Variants in ACADSB observed in about 807,000 individuals in gnomAD.
ACADSB encodes the protein acyl-CoA dehydrogenase short/branched chain, also known as short/branched chain specific acyl-CoA dehydrogenase, mitochondrial.
ACADSB carries 40 observed loss-of-function variants against 54.1 expected under a neutral mutation model. The observed-to-expected ratio is 0.74, with a 90% confidence interval of 0.57 to 0.96. The LOEUF is 0.96. ACADSB is among the 40% of genes least tolerant of loss of function. The pLI is 0.00. For synonymous variants in ACADSB, 182 were observed against 182.8 expected (o/e 1.00, Z 0.03); for missense variants, 530 against 510.4 (o/e 1.04, Z -0.37).
chr10:123,053,204 C>A, intron 10 of ACADSB, 44 bp downstream of exon 10: 1 of 1,479,850 alleles, frequency 6.8e-7, no homozygotes, highest in Non-Finnish European at 9.4e-7. Flanking sequence ...GTTTTATTTG[C>A]CTCTGTAGGT....
At position 123,056,282 on chromosome 10, in the gene ACADSB, CAG is replaced by C; in HGVS notation, c.*2519_*2520del. On this transcript the variant is annotated 3_prime_UTR_variant, in exon 11 of 11. Transcript: ENST00000358776. Reference sequence around the variant, plus strand: ...CAGTTCCACATGGCCGGGGAGGCCTCAGAATCATGGCGGGAGGTGAAAAGCAC... The same window carrying C: ...CAGTTCCACATGGCCGGGGAGGCCTCAATCATGGCGGGAGGTGAAAAGCAC... The C allele has an allele frequency of 4.4e-6, 1 of 227,848 alleles. No individual in the cohort carries two copies. The highest frequency in any genetic ancestry group is 2.3e-5 in the African/African-American group (1 of 42,558). The allele number at this position is 227,848 out of a possible 1,614,324, so 14.1% of individuals were successfully genotyped here.
chr10:123,041,545 C>G (rs1021760948), intron 5 of ACADSB, among the ~76,000 whole-genome samples, 166 bp downstream of exon 5: 1 of 151,962 alleles, frequency 6.6e-6, no homozygotes, highest in Non-Finnish European at 1.5e-5. Flanking sequence ...TCGTTAATCT[C>G]CTAAAGTAAA....
intron 6 of ACADSB, 85 bp from the exon 7 acceptor site, chr10:123,044,308 A>G: frequency 1.7e-6 from 2 of 1,179,428 alleles, no homozygotes; most frequent in Non-Finnish European, 1.3e-6. Flanking sequence ...ACACGAATTG[A>G]GAGTCTATGT....
chr10:123,041,458 C>T, intron 5 of ACADSB, 79 bp downstream of exon 5: 1 of 1,444,932 alleles, frequency 6.9e-7, no homozygotes. Flanking sequence ...CTTCTGTTTC[C>T]TTTTTAGGAC....
intron 1 of ACADSB, among the ~76,000 whole-genome samples, chr10:123,009,818 G>T (rs1467859085): frequency 6.6e-6 from 1 of 152,214 alleles, no homozygotes; most frequent in Non-Finnish European, 1.5e-5. Flanking sequence ...TTCACCCCTT[G>T]GACCTATTAT....
intron 1 of ACADSB, among the ~76,000 whole-genome samples, chr10:123,015,938 G>A (rs2133455728): frequency 6.6e-6 from 1 of 152,302 alleles, no homozygotes; most frequent in Middle Eastern, 3.4e-3. Context: ...AGGAAGACAT[G>A]TTAATAAAAG....
chr10:123,041,140 C>A, intron 4 of ACADSB, 69 bp from the exon 5 acceptor site: 1 of 1,509,660 alleles, frequency 6.6e-7, no homozygotes, highest in South Asian at 1.2e-5. Context: ...GTCCATTTTT[C>A]CATAAGTATT....
chr10:123,042,958 A>T (rs1000365878), intron 5 of ACADSB, 88 bp from the exon 6 acceptor site: 6 of 1,494,694 alleles, frequency 4.0e-6, no homozygotes, highest in South Asian at 1.2e-5. Flanking sequence ...ACCAAAGTCC[A>T]TTTTTAGTTT....
At chr10:123,024,943 G>T (rs533100585) in intron 1 of ACADSB, among the ~76,000 whole-genome samples, 1 of 152,154 alleles carries the variant, frequency 6.6e-6, no homozygotes, top group African/African-American at 2.4e-5. Context: ...AAACCCTTAG[G>T]TTCCCTGCCT....
rs1214764341 is a variant in ACADSB, at chr10:123,056,296, G to A, written c.*2531G>A. 4.3e-6 allele frequency: 1 copy of A among 231,324 alleles called. No homozygotes were observed. Among genetic ancestry groups the A allele is most frequent in the African/African-American group, 2.4e-5 (1 of 42,504 alleles). The allele number at this position is 231,324 out of a possible 1,614,324, so 14.3% of individuals were successfully genotyped here. ...CGGGGAGGCCTCAGAATCATGGCGG[G>A]AGGTGAAAAGCACTTCGTACATGGT... On this transcript the variant is annotated 3_prime_UTR_variant, in exon 11 of 11. Transcript: ENST00000358776.
rs77790903 is a variant in ACADSB, at chr10:123,047,410, G to A, written c.990+112G>A. Reference sequence around the variant, plus strand: ...TCCCTTCAGGGGGATTTTAATGGGAGATGGGTAGGGGAGGAAAGAATAGGT... The same window carrying A: ...TCCCTTCAGGGGGATTTTAATGGGAAATGGGTAGGGGAGGAAAGAATAGGT... On this transcript the variant is annotated intron_variant, in intron 8 of 10. Transcript: ENST00000358776. The A allele has an allele frequency of 1.7e-3, 1,382 of 796,792 alleles. 13 individuals are homozygous for A. The African/African-American group carries it at 0.02, about 11-fold the overall frequency. 49.4% of individuals were successfully genotyped at this position (796,792 alleles called of 1,614,324 possible). A position where few individuals can be genotyped will look rare whatever the true frequency, so the allele number is the denominator to read the frequency against.
At chr10:123,026,067 TCA>T (rs1292316112) in intron 1 of ACADSB, among the ~76,000 whole-genome samples, 2 of 151,918 alleles carry the variant, frequency 1.3e-5, no homozygotes, top group African/African-American at 2.4e-5. Context: ...AGACTCTGTC[TCA>T]CAACAAAAAA....
intron 2 of ACADSB, among the ~76,000 whole-genome samples, chr10:123,036,413 C>T (rs1447279587): frequency 2.6e-5 from 4 of 152,210 alleles, no homozygotes; most frequent in Admixed American, 6.5e-5. Flanking sequence ...TTTGCTCCCT[C>T]GCCTTTTAGA....
chr10:123,037,453 C>A lies in ACADSB; in HGVS notation c.203-294C>A, dbSNP rs74808971. ...TACATAATAAATTTAAAATTAGTCA[C>A]CTTTGGGTAGAGTGGAAATGGCTTT... On this transcript the variant is annotated intron_variant, in intron 2 of 10. Transcript: ENST00000358776. Among the ~76,000 whole-genome samples, 9,226 of 152,120 alleles carry A rather than the reference C, an allele frequency of 0.061. 324 individuals carry two copies. Among genetic ancestry groups the A allele is most frequent in the Non-Finnish European group, 0.087 (5,927 of 68,004 alleles).
chr10:123,053,090 C>G lies in ACADSB; in HGVS notation c.1158C>G (p.Ile386Met). 2 of 1,613,878 alleles carry G rather than the reference C, an allele frequency of 1.2e-6. No individual in the cohort carries two copies. The highest frequency in any genetic ancestry group is 1.7e-6 in the Non-Finnish European group (2 of 1,179,930). The change falls in exon 10 of 11, where the codon ATC (isoleucine) becomes ATG (methionine). Residue 386 changes from isoleucine to methionine, a missense_variant. Ile to Met is a conservative substitution (Grantham distance 10). Coordinates refer to ENST00000358776, the MANE Select transcript of ACADSB (RefSeq NM_001609.4). ...CAGGACAAACAACGAGTAAATGTAT[C>G]GAGTGGATGGGGGGAGTAGGCTACA... ...EIAGQTTSKC[I>M]EWMGGVGYTK...
At chr10:123,045,146 TATATATATATATATATATATATATA>T (rs1354119922) in intron 7 of ACADSB, among the ~76,000 whole-genome samples, 1,344 of 14,414 alleles carry the variant, frequency 0.093, 52 homozygotes, top group African/African-American at 0.12. Context: ...TATATATATA[TATATATATATATATATATATATATA>T]TTTTTTTTTT....
intron 3 of ACADSB, among the ~76,000 whole-genome samples, chr10:123,039,422 A>G (rs1400325454): frequency 6.6e-6 from 1 of 152,216 alleles, no homozygotes; most frequent in Non-Finnish European, 1.5e-5. Flanking sequence ...TGAATTACAC[A>G]TGCACACATT....
rs1015188553 is a variant in ACADSB at position 123,044,447 on chromosome 10, G to A, written c.862G>A (p.Gly288Arg). Residue 288 changes from glycine (G) to arginine (R), a missense_variant, in exon 7 of 11, where the codon GGG (glycine) becomes AGG (arginine). Coordinates refer to ENST00000358776, the MANE Select transcript of ACADSB (RefSeq NM_001609.4). ...TGGACATGGCTATAAGTATGCCATA[G>A]GGAGTCTCAATGAAGGTAGAATAGG... Reference protein sequence around the residue: ...QIGHGYKYAIGSLNEGRIGIA... With the variant: ...QIGHGYKYAIRSLNEGRIGIA... 2 of 1,613,818 alleles carry A rather than the reference G, an allele frequency of 1.2e-6. No individual in the cohort carries two copies. The highest frequency in any genetic ancestry group is 2.7e-5 in the African/African-American group (2 of 74,912).
At position 123,054,992 on chromosome 10, in the gene ACADSB, A is replaced by G. The variant is rs1273109543; in HGVS notation, c.*1227A>G. 6.6e-6 allele frequency: 1 copy of G among 152,250 alleles called. No homozygotes were observed. Among genetic ancestry groups the G allele is most frequent in the Non-Finnish European group, 1.5e-5 (1 of 68,052 alleles). 9.4% of individuals were successfully genotyped at this position (152,250 alleles called of 1,614,324 possible). A position where few individuals can be genotyped will look rare whatever the true frequency, so the allele number is the denominator to read the frequency against. On this transcript the variant is annotated 3_prime_UTR_variant, in exon 11 of 11. Coordinates refer to ENST00000358776, the MANE Select transcript of ACADSB (RefSeq NM_001609.4). ...GAAGTGTATCAAAATCTCATAAGGA[A>G]TGAGGGAGAGAAGGGGGCTGTAGAG...
Sources: gnomAD v4.1 joint callset for allele counts (sites outside exome capture counted in the v4.1 genomes callset) on GRCh38, gnomAD v4.1.1 for gene constraint, MANE v1.5 for transcripts, NCBI Gene and HGNC (gene_info 2026-07-23, HGNC 2026-07-21) for gene names.